Variants in COL8A2 observed in about 807,000 individuals in gnomAD.
COL8A2 encodes collagen type VIII alpha 2 chain.
A neutral mutation model predicts 24.0 loss-of-function variants in COL8A2; 16 were observed. That is an observed-to-expected ratio of 0.67 (90% CI 0.45 to 1.01). COL8A2 has a LOEUF of 1.01. Among genes scored for constraint, COL8A2 ranks in the 50% least tolerant of loss-of-function variants. The probability of loss-of-function intolerance (pLI) is 0.00; values close to 1 mark genes in which losing one functional copy is unlikely to be tolerated. For synonymous variants in COL8A2, 466 were observed against 424.5 expected (o/e 1.10, Z -1.20); for missense variants, 818 against 942.4 (o/e 0.87, Z 1.73).
At chr1:36,100,766 G>T (rs1570032198) in intron 2 of COL8A2, among the ~76,000 whole-genome samples, 1 of 152,132 alleles carries the variant, frequency 6.6e-6, no homozygotes, top group African/African-American at 2.4e-5. Context: ...AAAGTCTTGA[G>T]GAAGCCAGAG....
At chr1:36,109,831 T>A (rs538040269) in intron 2 of COL8A2, among the ~76,000 whole-genome samples, 2 of 152,050 alleles carry the variant, frequency 1.3e-5, no homozygotes, top group Non-Finnish European at 2.9e-5. Flanking sequence ...CTCTTGACCT[T>A]GTGATCCGCC....
rs1430795378 is a variant in COL8A2, at chr1:36,097,895, G to A, written c.1786C>T (p.Arg596Trp). The change falls in exon 4 of 4, where the codon CGG becomes TGG. Residue 596 changes from arginine to tryptophan, a missense_variant. By Grantham distance (101) the Arg-to-Trp change is moderately radical (BLOSUM62 -3). Transcript: ENST00000397799. ...CCGCTGTGGCCATTGTAGAGAGTCC[G>A]GTCAAATTTCACGGGCATGCCCGAG... ...PASGMPVKFDRTLYNGHSGYN... is the reference protein window; with the variant it reads ...PASGMPVKFDWTLYNGHSGYN... 12 of 1,612,242 alleles carry A rather than the reference G, an allele frequency of 7.4e-6. No homozygotes were observed. Among genetic ancestry groups the A allele is most frequent in the Admixed American group, 3.3e-5 (2 of 60,002 alleles).
intron 2 of COL8A2, among the ~76,000 whole-genome samples, chr1:36,111,379 C>T (rs1250771299): frequency 6.6e-6 from 1 of 152,164 alleles, no homozygotes; most frequent in Non-Finnish European, 1.5e-5. Flanking sequence ...CTTCTCTGCC[C>T]ACTTCCTCTG....
chr1:36,098,781 C>G lies in COL8A2; in HGVS notation c.900G>C (p.Glu300Asp), dbSNP rs752922946. The change falls in exon 4 of 4, where the codon GAG becomes GAC. Residue 300 changes from glutamate to aspartate, a missense_variant. Coordinates refer to ENST00000397799, the MANE Select transcript of COL8A2 (RefSeq NM_005202.4). ...GPQGPSGAKG[E>D]PGTRGPPGLI... Reference sequence around the variant, plus strand: ...GCCCAGGGGGGCCCCGGGTCCCTGGCTCCCCTTTGGCCCCTGATGGGCCCT... The same window carrying G: ...GCCCAGGGGGGCCCCGGGTCCCTGGGTCCCCTTTGGCCCCTGATGGGCCCT... 6.2e-7 allele frequency: 1 copy of G among 1,611,876 alleles called. No homozygotes were observed. The highest frequency in any genetic ancestry group is 2.2e-5 in the East Asian group (1 of 44,790).
At chr1:36,100,426 G>A (rs567489591) in intron 2 of COL8A2, among the ~76,000 whole-genome samples, 168 bp from the exon 3 acceptor site, 8 of 152,132 alleles carry the variant, frequency 5.3e-5, no homozygotes, top group Admixed American at 3.9e-4. Context: ...TCAAAGTCGC[G>A]GGGGTCTGCA....
chr1:36,101,884 A>G (rs557216066), intron 2 of COL8A2, among the ~76,000 whole-genome samples: 1 of 151,824 alleles, frequency 6.6e-6, no homozygotes, highest in African/African-American at 2.4e-5. Context: ...ATTTAAAAAT[A>G]TATCTATAAA....
intron 2 of COL8A2, among the ~76,000 whole-genome samples, chr1:36,111,975 A>G (rs1422020337): frequency 6.6e-6 from 1 of 152,106 alleles, no homozygotes; most frequent in East Asian, 1.9e-4. Context: ...AAATCTGAGC[A>G]TCACTTCTGT....
chr1:36,116,343 G>A (rs1272966392), intron 1 of COL8A2, among the ~76,000 whole-genome samples: 1 of 152,218 alleles, frequency 6.6e-6, no homozygotes, highest in Non-Finnish European at 1.5e-5. Flanking sequence ...TAGGGCCCAG[G>A]CTGAGGATGC....
Position 36,123,714 on chromosome 1 carries a change from G to A in COL8A2, c.-62+1343C>T, listed in dbSNP as rs977279834. ...GTCCGCATGAATCTAATGAATGTTT[G>A]GGTCGGTGTGTGACTGTGCATGGCT... On this transcript the variant is annotated intron_variant, in intron 1 of 3. Transcript: ENST00000397799. This position sits in a 1 kb window ranked among gnomAD's most constrained non-coding sequence, Gnocchi z 4.1. Among the ~76,000 whole-genome samples the A allele has an allele frequency of 6.6e-6, 1 of 152,186 alleles. No individual in the cohort carries two copies. The highest frequency in any genetic ancestry group is 1.5e-5 in the Non-Finnish European group (1 of 68,036).
chr1:36,104,716 A>G (rs1020084612), intron 2 of COL8A2, among the ~76,000 whole-genome samples: 1 of 151,684 alleles, frequency 6.6e-6, no homozygotes, highest in African/African-American at 2.4e-5. Flanking sequence ...AATGGCATGA[A>G]CCCGGCAGGC....
At chr1:36,106,985 C>T (rs1440070359) in intron 2 of COL8A2, among the ~76,000 whole-genome samples, 1 of 151,914 alleles carries the variant, frequency 6.6e-6, no homozygotes, top group East Asian at 1.9e-4. Flanking sequence ...AGCTGGAAGA[C>T]CAGGTGTCAG....
At chr1:36,122,463 C>T (rs1033952504) in intron 1 of COL8A2, among the ~76,000 whole-genome samples, 3 of 152,104 alleles carry the variant, frequency 2.0e-5, no homozygotes, top group African/African-American at 4.8e-5. Context: ...CATATGGCCT[C>T]GCAAACCCAC....
chr1:36,104,426 AG>A (rs2124084768), intron 2 of COL8A2, among the ~76,000 whole-genome samples: 1 of 152,202 alleles, frequency 6.6e-6, no homozygotes, highest in South Asian at 2.1e-4. Flanking sequence ...AGAGAGGCGG[AG>A]GTTCCAGTGA....
rs760110124 is a variant in COL8A2, at chr1:36,097,649, G to A, written c.2032C>T (p.Pro678Ser). The A allele has an allele frequency of 1.2e-6, 2 of 1,613,482 alleles. No individual in the cohort carries two copies. Among genetic ancestry groups the A allele is most frequent in the African/African-American group, 1.3e-5 (1 of 74,936 alleles). The part of the protein sequence containing the change: ...RPNDQVWVQM[P>S]SDQANGLYST... Reference sequence around the variant, plus strand: ...TAGAGGCCGTTGGCCTGGTCCGACGGCATCTGCACCCAGACCTGGTCGTTG... The same window carrying A: ...TAGAGGCCGTTGGCCTGGTCCGACGACATCTGCACCCAGACCTGGTCGTTG... Residue 678 changes from proline to serine, a missense_variant, in exon 4 of 4, where the codon CCG becomes TCG. Around this residue, in one of 3 missense-constraint regions of COL8A2, gnomAD observed 235 missense variants for 297.3 expected, o/e 0.79. Coordinates refer to ENST00000397799, the MANE Select transcript of COL8A2 (RefSeq NM_005202.4).
chr1:36,101,187 C>T (rs754912199), intron 2 of COL8A2, among the ~76,000 whole-genome samples: 2 of 152,086 alleles, frequency 1.3e-5, no homozygotes, highest in Non-Finnish European at 2.9e-5. Context: ...AGCCACCGCG[C>T]CCGGCCTGCA....
chr1:36,118,301 C>T (rs1050373214), intron 1 of COL8A2, among the ~76,000 whole-genome samples: 1 of 152,192 alleles, frequency 6.6e-6, no homozygotes, highest in African/African-American at 2.4e-5. Flanking sequence ...GCCCTGTATA[C>T]CTGGGCTCCC....
At position 36,097,417 on chromosome 1, in the gene COL8A2, T is replaced by C; in HGVS notation, c.*152A>G. 1 of 679,102 alleles carries C rather than the reference T, an allele frequency of 1.5e-6. No individual in the cohort carries two copies. The highest frequency in any genetic ancestry group is 2.6e-6 in the Non-Finnish European group (1 of 388,982). The allele number at this position is 679,102 out of a possible 1,614,324, so 42.1% of individuals were successfully genotyped here. A position where few individuals can be genotyped will look rare whatever the true frequency, so the allele number is the denominator to read the frequency against. On this transcript the variant is annotated 3_prime_UTR_variant, in exon 4 of 4. Transcript: ENST00000397799. ...CTTCCAGAAACAATCTCAGCCTGCA[T>C]GCAGGGAGAAAGCAAGTTAGTCTCC...
intron 2 of COL8A2, among the ~76,000 whole-genome samples, chr1:36,107,357 T>C (rs1643776288): frequency 6.6e-6 from 1 of 151,814 alleles, no homozygotes; most frequent in Non-Finnish European, 1.5e-5. Context: ...TGAGCCGTGA[T>C]TGCACCACTG....
intron 2 of COL8A2, among the ~76,000 whole-genome samples, chr1:36,102,232 G>C (rs1643687702): frequency 6.6e-6 from 1 of 152,194 alleles, no homozygotes; most frequent in Admixed American, 6.6e-5. Context: ...CTTGAAAACA[G>C]TGAAAAGTGA....
Sources: allele counts gnomAD v4.1 joint callset (sites outside exome capture counted in the v4.1 genomes callset), GRCh38; gene constraint gnomAD v4.1.1; regional missense constraint gnomAD v4.1.1; non-coding constraint Gnocchi (gnomAD v3.1); transcripts MANE v1.5; gene names NCBI Gene and HGNC (gene_info 2026-07-23, HGNC 2026-07-21).